The following GLB1 variants were observed in gnomAD, a reference collection of about 807,000 sequenced individuals.
GLB1 encodes galactosidase beta 1.
A neutral mutation model predicts 74.0 loss-of-function variants in GLB1; 56 were observed. The ratio of observed to expected loss-of-function variants is 0.76; its 90% CI spans 0.61 to 0.94. The LOEUF (loss-of-function observed/expected upper bound fraction) is 0.94. GLB1 is among the 40% of genes least tolerant of loss of function. The pLI, the probability that GLB1 is intolerant of heterozygous loss-of-function variation, is 0.00. For missense variants in GLB1, 787 were observed against 845.5 expected (o/e 0.93, Z 0.86); for synonymous variants, 323 against 323.6 (o/e 1.00, Z 0.02).
At chr3:33,096,761 C>T in intron 1 of GLB1, 4 of 1,318,792 alleles carry the variant, frequency 3.0e-6, no homozygotes, top group Non-Finnish European at 3.9e-6. Flanking sequence ...TGGATCCAAG[C>T]GCAAAGGGCG....
intron 9 of GLB1, 139 bp downstream of exon 9, chr3:33,051,619 A>AT: frequency 1.4e-5 from 16 of 1,165,236 alleles, no homozygotes; most frequent in Non-Finnish European, 1.9e-5. Flanking sequence ...AAAAAAAAAA[A>AT]GAAAAAGAAA....
chr3:33,045,067 T>C (rs1219824019), intron 10 of GLB1, among the ~76,000 whole-genome samples: 1 of 152,206 alleles, frequency 6.6e-6, no homozygotes, highest in African/African-American at 2.4e-5. Flanking sequence ...TAGACACACA[T>C]TTTCTTACAT....
chr3:33,051,603 C>CAAAAA (rs59740209), intron 9 of GLB1, among the ~76,000 whole-genome samples, 155 bp downstream of exon 9: 14 of 75,412 alleles, frequency 1.9e-4, no homozygotes, highest in African/African-American at 4.3e-4. Context: ...AGACTGTCTA[C>CAAAAA]AAAAAAAAAA....
At chr3:33,094,410 T>G in intron 1 of GLB1, 1 of 1,272,106 alleles carries the variant, frequency 7.9e-7, no homozygotes, top group Admixed American at 3.5e-5. Flanking sequence ...GAATCCAAGC[T>G]ACTCAAATAC....
At chr3:33,040,759 T>C (rs1698466526) in intron 10 of GLB1, among the ~76,000 whole-genome samples, 1 of 152,132 alleles carries the variant, frequency 6.6e-6, no homozygotes, top group Non-Finnish European at 1.5e-5. Flanking sequence ...CTCTGCATAC[T>C]GAAATGATCA....
the GLB1 span, among the ~76,000 whole-genome samples, chr3:32,985,110 A>G: frequency 2.0e-5 from 3 of 151,204 alleles, no homozygotes; most frequent in African/African-American, 7.3e-5. Context: ...GTCTCAAAAA[A>G]AAAAAAAAAA....
At chr3:32,995,140 T>C (rs1261927182), downstream of GLB1, among the ~76,000 whole-genome samples, 1 of 152,156 alleles carries the variant, frequency 6.6e-6, no homozygotes, top group Non-Finnish European at 1.5e-5. Flanking sequence ...CTATTTGACC[T>C]TACAGTGTAG....
intron 1 of GLB1, chr3:33,094,289 C>A: frequency 2.6e-6 from 4 of 1,509,828 alleles, no homozygotes; most frequent in Non-Finnish European, 3.5e-6. Flanking sequence ...GGAGAGGTTT[C>A]CAGGTCAACT....
chr3:33,066,707 A>AG (rs1311426751), intron 4 of GLB1, among the ~76,000 whole-genome samples: 5 of 152,200 alleles, frequency 3.3e-5, no homozygotes, highest in Non-Finnish European at 7.3e-5. Flanking sequence ...TCTCAGTCAC[A>AG]GGAAGGCTTT....
the GLB1 span, among the ~76,000 whole-genome samples, chr3:32,975,537 C>T: frequency 6.6e-6 from 1 of 152,176 alleles, no homozygotes; most frequent in East Asian, 1.9e-4. Context: ...CAACAATACC[C>T]AGTACAGGGG....
chr3:33,085,979 A>C (rs1330135915), intron 1 of GLB1, among the ~76,000 whole-genome samples: 1 of 151,862 alleles, frequency 6.6e-6, no homozygotes, highest in Non-Finnish European at 1.5e-5. Flanking sequence ...TCTGGAGGCC[A>C]AAGTGAGTGT....
the GLB1 span, among the ~76,000 whole-genome samples, chr3:32,982,329 A>C: frequency 6.6e-6 from 1 of 151,950 alleles, no homozygotes; most frequent in Non-Finnish European, 1.5e-5. Flanking sequence ...AAAAAAAAAA[A>C]AAAACTTATT....
intron 10 of GLB1, among the ~76,000 whole-genome samples, chr3:33,028,615 T>C (rs1012649470): frequency 3.9e-5 from 6 of 152,108 alleles, no homozygotes; most frequent in Non-Finnish European, 8.8e-5. Context: ...AAATAGTGTA[T>C]ACTCACATTT....
At chr3:33,001,688 A>G (rs556654713) in intron 15 of GLB1, among the ~76,000 whole-genome samples, 1 of 152,342 alleles carries the variant, frequency 6.6e-6, no homozygotes, top group African/African-American at 2.4e-5. Flanking sequence ...CTCCGCACGC[A>G]GGAGAGTGAT....
the GLB1 span, among the ~76,000 whole-genome samples, chr3:32,983,891 C>T: frequency 6.6e-6 from 1 of 151,774 alleles, no homozygotes; most frequent in Non-Finnish European, 1.5e-5. Context: ...CCCTGTGTTG[C>T]CCAGGCTGGT....
In GLB1 at chr3:33,009,475, T is replaced by C. The variant is rs1401458010; in HGVS notation, c.1734+4581A>G. On this transcript the variant is annotated intron_variant, in intron 15 of 15. Transcript: ENST00000307363. ...AGGCGGAGGTTGCAGTGAGCCGAGA[T>C]TGTGCCATTGCACTCCAGCCTGGGT... Among the ~76,000 whole-genome samples, 3 of 152,108 alleles carry C rather than the reference T, an allele frequency of 2.0e-5. No individual in the cohort carries two copies. The South Asian group carries it at 6.2e-4, about 32-fold the overall frequency.
chr3:33,049,245 C>T (rs1163154282), intron 9 of GLB1, among the ~76,000 whole-genome samples: 1 of 152,082 alleles, frequency 6.6e-6, no homozygotes, highest in Non-Finnish European at 1.5e-5. Context: ...ATAAGATGAA[C>T]ACAGAGGGAT....
chr3:33,013,090 T>C (rs1023983809), intron 15 of GLB1, among the ~76,000 whole-genome samples: 3 of 152,188 alleles, frequency 2.0e-5, no homozygotes, highest in Non-Finnish European at 4.4e-5. Context: ...CAATCTAGTC[T>C]CTACCTACTT....
intron 14 of GLB1, among the ~76,000 whole-genome samples, chr3:33,016,225 A>C (rs1697230831): frequency 6.6e-6 from 1 of 152,172 alleles, no homozygotes; most frequent in South Asian, 2.1e-4. Context: ...GCAGAGGAAA[A>C]GCATGGTGGA....
Sources: gnomAD v4.1 joint callset for allele counts (sites outside exome capture counted in the v4.1 genomes callset) on GRCh38, gnomAD v4.1.1 for gene constraint, MANE v1.5 for transcripts, NCBI Gene and HGNC (gene_info 2026-07-23, HGNC 2026-07-21) for gene names.